The following RIMBP2 variants were observed in gnomAD, a reference collection of about 807,000 sequenced individuals.
RIMBP2 encodes RIMS-binding protein 2.
RIMBP2 carries 48 observed loss-of-function variants against 118.6 expected under a neutral mutation model. The observed-to-expected ratio is 0.40, with a 90% confidence interval of 0.32 to 0.51. The LOEUF is 0.51. Among genes scored for constraint, RIMBP2 ranks in the 20% least tolerant of loss-of-function variants. The pLI, the probability that RIMBP2 is intolerant of heterozygous loss-of-function variation, is 0.41. For synonymous variants in RIMBP2, 762 were observed against 742.9 expected (o/e 1.03, Z -0.42); for missense variants, 1,551 against 1,768.3 (o/e 0.88, Z 2.20).
In RIMBP2 at chr12:130,450,604, G is replaced by A. The variant is rs2078917863; in HGVS notation, c.505-328C>T. ...CAGCGGCGTGGCCTTTTCTCATAGGGGTGGGGGTAAAATTAAGCAGTATGT... is the reference window on the plus strand; with the variant it reads ...CAGCGGCGTGGCCTTTTCTCATAGGAGTGGGGGTAAAATTAAGCAGTATGT... On this transcript the variant is annotated intron_variant, in intron 8 of 22. Transcript: ENST00000690449. This position sits in a 1 kb window ranked among gnomAD's most constrained non-coding sequence, Gnocchi z 4.8. Among the ~76,000 whole-genome samples the A allele has an allele frequency of 6.6e-6, 1 of 151,694 alleles. No homozygotes were observed. The highest frequency in any genetic ancestry group is 2.4e-5 in the African/African-American group (1 of 41,222).
chr12:130,669,363 G>T (rs1242000697), intron 1 of RIMBP2: 1 of 152,206 alleles, frequency 6.6e-6, no homozygotes, highest in African/African-American at 2.4e-5. Context: ...ATATGGCTGG[G>T]CTCTGTGTCT....
rs138238870 is a variant in RIMBP2 at position 130,690,073 on chromosome 12, C to A, written c.-352+26149G>T. Among the ~76,000 whole-genome samples, 3 of 152,190 alleles carry A rather than the reference C, an allele frequency of 2.0e-5. No homozygotes were observed. In the South Asian group the frequency reaches 6.2e-4, roughly 32 times the overall value. ...GCCTCTCAGCAACTGGCAGTGCCTT[C>A]GGGTCCTCACTTCTGTCTTCAAAGT... On this transcript the variant is annotated intron_variant, in intron 1 of 22. Transcript: ENST00000690449.
At position 130,710,057 on chromosome 12, in the gene RIMBP2, A is replaced by G. The variant is rs1005862372; in HGVS notation, c.-352+6165T>C. On this transcript the variant is annotated intron_variant, in intron 1 of 22. Coordinates refer to ENST00000690449, the MANE Select transcript of RIMBP2 (RefSeq NM_001393629.1). This position sits in a 1 kb window ranked among gnomAD's most constrained non-coding sequence, Gnocchi z 4.3. ...GGTTTCCGGGTATCCCTGGGAGCTC[A>G]CGGGTGGACACCGAGGGTCTCCAGG... Among the ~76,000 whole-genome samples the G allele has an allele frequency of 6.6e-6, 1 of 152,272 alleles. No individual in the cohort carries two copies. Among genetic ancestry groups the G allele is most frequent in the South Asian group, 2.1e-4 (1 of 4,824 alleles).
intron 3 of RIMBP2, among the ~76,000 whole-genome samples, chr12:130,512,946 T>A (rs532358912): frequency 1.3e-5 from 2 of 152,254 alleles, no homozygotes; most frequent in East Asian, 3.9e-4. Context: ...CCCAAATGTC[T>A]ATGTGTGTCA....
At chr12:130,636,507 G>A (rs914534177) in intron 1 of RIMBP2, among the ~76,000 whole-genome samples, 1 of 152,142 alleles carries the variant, frequency 6.6e-6, no homozygotes, top group African/African-American at 2.4e-5. Flanking sequence ...TGTGAAGTAG[G>A]TATAATAGTA....
At chr12:130,635,391 C>T (rs1033422602) in intron 1 of RIMBP2, among the ~76,000 whole-genome samples, 5 of 152,178 alleles carry the variant, frequency 3.3e-5, no homozygotes, top group African/African-American at 1.2e-4. Flanking sequence ...AAGTCTTCAA[C>T]CTCTCTGTTG....
In RIMBP2 at chr12:130,555,407, G is replaced by A. The variant is rs148326383; in HGVS notation, c.-216-37490C>T. ...GGTCTCACATGATGCACCCCTCACC[G>A]TCCTGGACACAGACGGCCTTAGTAT... On this transcript the variant is annotated intron_variant, in intron 2 of 22. Coordinates refer to ENST00000690449, the MANE Select transcript of RIMBP2 (RefSeq NM_001393629.1). Among the ~76,000 whole-genome samples, 338 of 152,282 alleles carry A rather than the reference G, an allele frequency of 2.2e-3. 2 individuals are homozygous for A. The highest frequency in any genetic ancestry group is 7.7e-3 in the African/African-American group (322 of 41,552).
intron 2 of RIMBP2, among the ~76,000 whole-genome samples, chr12:130,608,866 A>G (rs2060340006): frequency 6.6e-6 from 1 of 152,146 alleles, no homozygotes; most frequent in Admixed American, 6.5e-5. Context: ...CTTGCAGTGC[A>G]GTGGATCTGA....
intron 1 of RIMBP2, among the ~76,000 whole-genome samples, chr12:130,691,108 G>A (rs191879175): frequency 6.6e-5 from 10 of 152,268 alleles, no homozygotes; most frequent in Admixed American, 6.5e-4. Context: ...AACAGGGCGG[G>A]ATGAGATGTA....
In RIMBP2 at chr12:130,649,123, G is replaced by A. The variant is rs543469764; in HGVS notation, c.-351-20667C>T. Among the ~76,000 whole-genome samples, 14 of 145,948 alleles carry A rather than the reference G, an allele frequency of 9.6e-5. 1 individual carries two copies. In the South Asian group the frequency reaches 2.3e-3, roughly 24 times the overall value. ...CGGCCGATAGGCTCAGTCGGAGGTG[G>A]GTATGGAGGTGGGTACGGAGGTGGC... On this transcript the variant is annotated intron_variant, in intron 1 of 22. Coordinates refer to ENST00000690449, the MANE Select transcript of RIMBP2 (RefSeq NM_001393629.1).
In RIMBP2 at chr12:130,591,861, TA is replaced by T. The variant is rs1263524581; in HGVS notation, c.-217+36460del. Among the ~76,000 whole-genome samples, 12 of 152,330 alleles carry T rather than the reference TA, an allele frequency of 7.9e-5. No individual in the cohort carries two copies. The East Asian group carries it at 2.3e-3, about 29-fold the overall frequency. On this transcript the variant is annotated intron_variant, in intron 2 of 22. Coordinates refer to ENST00000690449, the MANE Select transcript of RIMBP2 (RefSeq NM_001393629.1). ...ACCATCCAACCCCAGATAGAGACAC[TA>T]AAAATCACTTGTTCTGAAACTCAAA...
chr12:130,398,051 A>G (rs2074200517), intron 22 of RIMBP2: 1 of 152,718 alleles, frequency 6.5e-6, no homozygotes, highest in African/African-American at 2.4e-5. Flanking sequence ...AAAGAAAAAA[A>G]AAAACTAAAA....
In RIMBP2 at chr12:130,670,770, T is replaced by C. The variant is rs930406929; in HGVS notation, c.-351-42314A>G. Among the ~76,000 whole-genome samples, 1 of 152,124 alleles carries C rather than the reference T, an allele frequency of 6.6e-6. No homozygotes were observed. Among genetic ancestry groups the C allele is most frequent in the Admixed American group, 6.5e-5 (1 of 15,274 alleles). On this transcript the variant is annotated intron_variant, in intron 1 of 22. Transcript: ENST00000690449. This position sits in a 1 kb window ranked among gnomAD's most constrained non-coding sequence, Gnocchi z 4.9. ...AAAGAAGATTTAGGAAGACTTTTCTTTCCATTTATTTATTTATTTATGAGA... is the reference window on the plus strand; with the variant it reads ...AAAGAAGATTTAGGAAGACTTTTCTCTCCATTTATTTATTTATTTATGAGA...
intron 2 of RIMBP2, among the ~76,000 whole-genome samples, chr12:130,600,365 C>A (rs1363645984): frequency 6.6e-6 from 1 of 152,218 alleles, no homozygotes; most frequent in African/African-American, 2.4e-5. Flanking sequence ...CAGAGACCTG[C>A]CAGCCCCAAG....
intron 19 of RIMBP2, among the ~76,000 whole-genome samples, chr12:130,409,623 G>T (rs562613998): frequency 3.2e-4 from 48 of 152,198 alleles, no homozygotes; most frequent in African/African-American, 1.1e-3. Flanking sequence ...GATTACAGGC[G>T]TGAGCCACTG....
rs1400432386 is a variant in RIMBP2 at position 130,623,094 on chromosome 12, A to T, written c.-217+5228T>A. The stretch of plus-strand genomic sequence containing the variant: ...AAAATCAGGTTGCTGGGCTACTTAC[A>T]CAAATACATATAAAACGAAGGTCAA... On this transcript the variant is annotated intron_variant, in intron 2 of 22. Coordinates refer to ENST00000690449, the MANE Select transcript of RIMBP2 (RefSeq NM_001393629.1). The surrounding 1 kb of genome is among the most constrained non-coding windows in gnomAD (Gnocchi z 4.1). 6.6e-6 allele frequency among the ~76,000 whole-genome samples: 1 copy of T among 152,216 alleles called. No homozygotes were observed. The highest frequency in any genetic ancestry group is 1.5e-5 in the Non-Finnish European group (1 of 68,048).
chr12:130,699,904 TAAAAAAAAAAAAAA>T (rs33963621), intron 1 of RIMBP2, among the ~76,000 whole-genome samples: 1 of 85,676 alleles, frequency 1.2e-5, no homozygotes, highest in Non-Finnish European at 2.4e-5. Context: ...GACTCTGTCT[TAAAAAAAAAAAAAA>T]AAAAAAAAAA....
rs11287921 is a variant in RIMBP2, at chr12:130,446,019, TCC to T, written c.582-752_582-751del. Among the ~76,000 whole-genome samples the T allele has an allele frequency of 2.7e-4, 31 of 112,774 alleles. No homozygotes were observed. Among genetic ancestry groups the T allele is most frequent in the Non-Finnish European group, 4.2e-4 (22 of 52,542 alleles). 74.0% of individuals were successfully genotyped at this position (112,774 alleles called of 152,430 possible). On this transcript the variant is annotated intron_variant, in intron 9 of 22. Coordinates refer to ENST00000690449, the MANE Select transcript of RIMBP2 (RefSeq NM_001393629.1). The surrounding 1 kb of genome is among the most constrained non-coding windows in gnomAD (Gnocchi z 4.1). Reference sequence around the variant, plus strand: ...GAAAAACAGACGCATGATTTTATGCTCCCCCCCCCCACACCCCCAGGAATATA... The same window carrying T: ...GAAAAACAGACGCATGATTTTATGCTCCCCCCCCACACCCCCAGGAATATA...
intron 4 of RIMBP2, among the ~76,000 whole-genome samples, chr12:130,485,203 T>C (rs2082375397): frequency 6.6e-6 from 1 of 152,090 alleles, no homozygotes; most frequent in African/African-American, 2.4e-5. Flanking sequence ...CGGTGAGAAA[T>C]CGGAATGTGG....
Sources: gnomAD v4.1 joint callset for allele counts (sites outside exome capture counted in the v4.1 genomes callset) on GRCh38, gnomAD v4.1.1 for gene constraint, Gnocchi (gnomAD v3.1) non-coding constraint, MANE v1.5 for transcripts, NCBI Gene and HGNC (gene_info 2026-07-23, HGNC 2026-07-21) for gene names.